CNTN5: variants seen among roughly 807,000 people sequenced by gnomAD.
CNTN5 encodes contactin-5.
In CNTN5, 77 loss-of-function variants were observed where a neutral mutation model predicts 129.1. That is an observed-to-expected ratio of 0.60 (90% CI 0.50 to 0.72). The LOEUF is 0.72. CNTN5 is among the 30% of genes least tolerant of loss of function. The pLI, the probability that CNTN5 is intolerant of heterozygous loss-of-function variation, is 0.00. For synonymous variants in CNTN5, 509 were observed against 465.6 expected, an observed-to-expected ratio of 1.09 and a Z score of -1.20; for missense variants, 1,478 against 1,328.8, an observed-to-expected ratio of 1.11 and a Z score of -1.75.
chr11:100,116,768 T>A, intron 13 of CNTN5, among the ~76,000 whole-genome samples: 1 of 152,020 alleles, frequency 6.6e-6, no homozygotes, highest in Non-Finnish European at 1.5e-5. Flanking sequence ...ATGTAGATTT[T>A]TCACATTTCT....
intron 1 of CNTN5, among the ~76,000 whole-genome samples, chr11:99,122,853 A>G (rs1325768889): frequency 6.6e-6 from 1 of 152,106 alleles, no homozygotes; most frequent in Non-Finnish European, 1.5e-5. Flanking sequence ...AGCTTCATCC[A>G]TGTTGCTGCA....
chr11:99,851,577 A>C (rs746091138), intron 6 of CNTN5, among the ~76,000 whole-genome samples: 15 of 152,222 alleles, frequency 9.9e-5, no homozygotes, highest in Non-Finnish European at 1.9e-4. Context: ...AAAGTCAAAC[A>C]TATAATGAAT....
At chr11:99,971,929 G>T (rs967434600) in intron 8 of CNTN5, among the ~76,000 whole-genome samples, 8 of 150,296 alleles carry the variant, frequency 5.3e-5, no homozygotes, top group Non-Finnish European at 5.9e-5. Context: ...TTTGTATCAG[G>T]ATAATTGACA....
At chr11:99,242,436 C>G (rs1044342433) in intron 1 of CNTN5, among the ~76,000 whole-genome samples, 3 of 152,078 alleles carry the variant, frequency 2.0e-5, no homozygotes, top group African/African-American at 4.8e-5. Flanking sequence ...AATTTATTGT[C>G]TGTCTCCTGC....
intron 1 of CNTN5, among the ~76,000 whole-genome samples, chr11:99,257,168 C>T (rs578163871): frequency 6.6e-6 from 1 of 152,056 alleles, no homozygotes; most frequent in African/African-American, 2.4e-5. Context: ...AAATTTATTT[C>T]CATTCTCTAT....
At chr11:99,281,730 C>T (rs1390031100) in intron 1 of CNTN5, among the ~76,000 whole-genome samples, 1 of 151,766 alleles carries the variant, frequency 6.6e-6, no homozygotes, top group East Asian at 1.9e-4. Context: ...ATTGAATTTT[C>T]TTCTGAGTAC....
intron 1 of CNTN5, among the ~76,000 whole-genome samples, chr11:99,278,682 G>A (rs1863559592): frequency 6.6e-6 from 1 of 151,634 alleles, no homozygotes. Context: ...ACCAAGCTGA[G>A]GCAACAAGAG....
intron 3 of CNTN5, among the ~76,000 whole-genome samples, chr11:99,646,651 A>G (rs1187353370): frequency 6.6e-6 from 1 of 152,142 alleles, no homozygotes; most frequent in Non-Finnish European, 1.5e-5. Context: ...CTCTTTAAGG[A>G]AAAAGAGTGC....
intron 15 of CNTN5, among the ~76,000 whole-genome samples, chr11:100,204,511 T>C (rs1307298797): frequency 6.7e-6 from 1 of 150,304 alleles, no homozygotes; most frequent in African/African-American, 2.4e-5. Flanking sequence ...GCTCTCACTC[T>C]GTCGCCTAGG....
At chr11:99,815,926 G>C (rs970081521) in intron 3 of CNTN5, among the ~76,000 whole-genome samples, 4 of 152,000 alleles carry the variant, frequency 2.6e-5, no homozygotes, top group Non-Finnish European at 5.9e-5. Flanking sequence ...TCTGCACCTT[G>C]CATCTATTTC....
At chr11:100,187,576 GGTACTA>G (rs1388046183) in intron 13 of CNTN5, among the ~76,000 whole-genome samples, 1 of 151,968 alleles carries the variant, frequency 6.6e-6, no homozygotes, top group African/African-American at 2.4e-5. Context: ...AAAACAGCAT[GGTACTA>G]GTACAAAGAC....
chr11:100,309,515 T>C, intron 21 of CNTN5: 4 of 971,880 alleles, frequency 4.1e-6, no homozygotes, highest in Non-Finnish European at 4.9e-6. Context: ...TCTACAATCT[T>C]GCTTCAATTA....
chr11:99,286,073 G>A (rs1863929503), intron 1 of CNTN5, among the ~76,000 whole-genome samples: 1 of 149,594 alleles, frequency 6.7e-6, no homozygotes, highest in Admixed American at 6.7e-5. Context: ...GAGAAAATTG[G>A]GTAACAGAGT....
intron 12 of CNTN5, 50 bp downstream of exon 12, chr11:100,071,884 T>C: frequency 6.7e-7 from 1 of 1,485,014 alleles, no homozygotes; most frequent in South Asian, 1.4e-5. Context: ...TTGCTTCTTT[T>C]CATGCTCTAA....
At chr11:100,248,419 G>A (rs185993994) in intron 16 of CNTN5, among the ~76,000 whole-genome samples, 23 of 152,030 alleles carry the variant, frequency 1.5e-4, no homozygotes, top group Non-Finnish European at 2.5e-4. Flanking sequence ...GGTGGCATGC[G>A]CCTGTGTCTC....
chr11:99,398,863 C>G (rs1362273761), intron 2 of CNTN5, among the ~76,000 whole-genome samples: 1 of 151,752 alleles, frequency 6.6e-6, no homozygotes, highest in African/African-American at 2.4e-5. Flanking sequence ...CTCCCTCCTA[C>G]AAGAATTTCC....
chr11:100,356,344 TGGTGAACTTACA>T lies in CNTN5; in HGVS notation c.*127_*138del. 1 of 697,238 alleles carries T rather than the reference TGGTGAACTTACA, an allele frequency of 1.4e-6. No homozygotes were observed. Among genetic ancestry groups the T allele is most frequent in the South Asian group, 1.6e-5 (1 of 61,148 alleles). 43.2% of individuals were successfully genotyped at this position (697,238 alleles called of 1,614,324 possible). On this transcript the variant is annotated 3_prime_UTR_variant, in exon 25 of 25. Coordinates refer to ENST00000524871, the MANE Select transcript of CNTN5 (RefSeq NM_014361.4). ...AGCTTTAAAAACTTGGGACTATACA[TGGTGAACTTACA>T]GGAGGTTAGGGGGGAAATATTACTT...
At chr11:100,330,803 C>T (rs1057486371) in intron 21 of CNTN5, among the ~76,000 whole-genome samples, 4 of 152,106 alleles carry the variant, frequency 2.6e-5, no homozygotes, top group African/African-American at 4.8e-5. Context: ...ACCAAGCCAG[C>T]GCTACAAGAA....
chr11:99,412,579 T>G (rs1475582028), intron 2 of CNTN5, among the ~76,000 whole-genome samples: 2 of 152,210 alleles, frequency 1.3e-5, no homozygotes, highest in East Asian at 3.8e-4. Flanking sequence ...TAATAATTGT[T>G]GATATTTATT....
Sources: allele counts gnomAD v4.1 joint callset (sites outside exome capture counted in the v4.1 genomes callset), GRCh38; gene constraint gnomAD v4.1.1; transcripts MANE v1.5; gene names NCBI Gene and HGNC (gene_info 2026-07-23, HGNC 2026-07-21).